Variants in UTRN observed in about 807,000 individuals in gnomAD.
UTRN encodes the protein utrophin.
In UTRN, 283 loss-of-function variants were observed where a neutral mutation model predicts 463.9. The ratio of observed to expected loss-of-function variants is 0.61; its 90% CI spans 0.55 to 0.67. The LOEUF (loss-of-function observed/expected upper bound fraction) is 0.67. UTRN is among the 30% of genes least tolerant of loss of function. UTRN has a pLI of 0.00. For synonymous variants in UTRN, 1,442 were observed against 1,431.5 expected (o/e 1.01, Z -0.17); for missense variants, 3,922 against 4,084.3 (o/e 0.96, Z 1.08).
In UTRN at chr6:144,462,316, G is replaced by A. The variant is rs557775804; in HGVS notation, c.2854-338G>A. 1.7e-4 allele frequency among the ~76,000 whole-genome samples: 26 copies of A among 152,260 alleles called. 1 individual carries two copies. The South Asian group carries it at 5.4e-3, about 32-fold the overall frequency. ...TTTCTTTAAGTAGTCTATCATTGAT[G>A]GGCATTTGGGTTGATTCCTTGTCCT... On this transcript the variant is annotated intron_variant, in intron 22 of 74. Transcript: ENST00000367545.
At chr6:144,526,391 A>G (rs993576623) in intron 41 of UTRN, among the ~76,000 whole-genome samples, 5 of 152,060 alleles carry the variant, frequency 3.3e-5, no homozygotes, top group African/African-American at 1.2e-4. Context: ...TATATTTAGG[A>G]TATAATTTCC....
intron 53 of UTRN, among the ~76,000 whole-genome samples, chr6:144,719,857 T>C (rs1786917227): frequency 6.6e-6 from 1 of 152,186 alleles, no homozygotes; most frequent in South Asian, 2.1e-4. Flanking sequence ...TTTAGAAAAT[T>C]TTAAGAAAAG....
chr6:144,525,986 T>C (rs1796540145), intron 41 of UTRN, among the ~76,000 whole-genome samples: 2 of 152,152 alleles, frequency 1.3e-5, no homozygotes, highest in Admixed American at 1.3e-4. Context: ...TATATTTGCA[T>C]GGTTTTGAGG....
At chr6:144,712,786 T>C (rs1475482517) in intron 53 of UTRN, among the ~76,000 whole-genome samples, 1 of 152,122 alleles carries the variant, frequency 6.6e-6, no homozygotes, top group East Asian at 1.9e-4. Context: ...CTTGGGAAGA[T>C]TGGGAAAGGC....
intron 10 of UTRN, 63 bp downstream of exon 10, chr6:144,436,201 C>G (rs1786520415): frequency 7.5e-6 from 11 of 1,459,756 alleles, no homozygotes; most frequent in Non-Finnish European, 1.0e-5. Flanking sequence ...TAATCAGGGA[C>G]TCTACTCTCC....
chr6:144,356,216 A>G (rs1022269227), intron 2 of UTRN, among the ~76,000 whole-genome samples: 2 of 152,226 alleles, frequency 1.3e-5, no homozygotes, highest in African/African-American at 4.8e-5. Flanking sequence ...TATTTATGGT[A>G]TATTCAGGCA....
At chr6:144,482,898 T>TC (rs1792044293) in intron 27 of UTRN, among the ~76,000 whole-genome samples, 1 of 152,164 alleles carries the variant, frequency 6.6e-6, no homozygotes, top group Admixed American at 6.5e-5. Flanking sequence ...AAAATACCTT[T>TC]TTTTTTTCTC....
At chr6:144,429,290 T>C (rs1785576102) in intron 8 of UTRN, among the ~76,000 whole-genome samples, 1 of 152,202 alleles carries the variant, frequency 6.6e-6, no homozygotes, top group Non-Finnish European at 1.5e-5. Flanking sequence ...TTTCATAGTA[T>C]GAATAAAGTC....
intron 62 of UTRN, among the ~76,000 whole-genome samples, chr6:144,792,854 A>G (rs568749989): frequency 1.3e-5 from 2 of 152,302 alleles, no homozygotes; most frequent in South Asian, 4.1e-4. Flanking sequence ...TCTTCAAAGT[A>G]TTGTATATGG....
intron 65 of UTRN, among the ~76,000 whole-genome samples, chr6:144,813,615 A>C (rs535508501): frequency 4.4e-4 from 67 of 152,332 alleles, no homozygotes; most frequent in Non-Finnish European, 8.4e-4. Context: ...TTTGCAACCA[A>C]ACTAGATGAC....
At chr6:144,772,342 A>T (rs985788637) in intron 59 of UTRN, among the ~76,000 whole-genome samples, 2 of 152,064 alleles carry the variant, frequency 1.3e-5, no homozygotes, top group Non-Finnish European at 2.9e-5. Context: ...GTATATTGTT[A>T]AATAGGAGCT....
chr6:144,567,610 A>C (rs1335546313), intron 50 of UTRN, among the ~76,000 whole-genome samples: 1 of 152,174 alleles, frequency 6.6e-6, no homozygotes, highest in East Asian at 1.9e-4. Flanking sequence ...TTCCCAGGTG[A>C]ATATTATTTA....
At chr6:144,681,198 G>A (rs1782160978) in intron 52 of UTRN, among the ~76,000 whole-genome samples, 1 of 152,180 alleles carries the variant, frequency 6.6e-6, no homozygotes, top group Non-Finnish European at 1.5e-5. Context: ...CCATTAGATG[G>A]AGATCTGCTC....
At chr6:144,442,597 A>G (rs933498991) in intron 13 of UTRN, among the ~76,000 whole-genome samples, 5 of 151,616 alleles carry the variant, frequency 3.3e-5, no homozygotes, top group African/African-American at 1.2e-4. Context: ...CACGATTTAC[A>G]TGCATGGTGG....
At chr6:144,838,423 A>G (rs182021568) in intron 71 of UTRN, among the ~76,000 whole-genome samples, 2 of 152,244 alleles carry the variant, frequency 1.3e-5, no homozygotes, top group Admixed American at 6.5e-5. Context: ...GGCTTCAACT[A>G]ATATAGATTT....
chr6:144,396,609 A>G (rs1782444887), intron 2 of UTRN, among the ~76,000 whole-genome samples: 1 of 152,228 alleles, frequency 6.6e-6, no homozygotes, highest in Non-Finnish European at 1.5e-5. Flanking sequence ...GGTGAATTAT[A>G]TAGTAGGTGA....
At chr6:144,836,277 T>C in intron 70 of UTRN, 24 bp from the exon 71 acceptor site, 1 of 1,613,606 alleles carries the variant, frequency 6.2e-7, no homozygotes, top group African/African-American at 1.3e-5. Context: ...GTAGTCATTC[T>C]GTTTCTCCCT....
At chr6:144,802,138 A>G (rs952418998) in intron 64 of UTRN, among the ~76,000 whole-genome samples, 1 of 152,208 alleles carries the variant, frequency 6.6e-6, no homozygotes, top group South Asian at 2.1e-4. Flanking sequence ...TTCATTTAGA[A>G]AGAAGATGTC....
At chr6:144,367,061 G>A (rs1008550408) in intron 2 of UTRN, among the ~76,000 whole-genome samples, 28 of 151,820 alleles carry the variant, frequency 1.8e-4, no homozygotes, top group Non-Finnish European at 3.2e-4. Flanking sequence ...TTGGCTCACT[G>A]CAACCTCCAT....
Sources: gnomAD v4.1 joint callset for allele counts (sites outside exome capture counted in the v4.1 genomes callset) on GRCh38, gnomAD v4.1.1 for gene constraint, MANE v1.5 for transcripts, NCBI Gene and HGNC (gene_info 2026-07-23, HGNC 2026-07-21) for gene names.